CCSER1: variants seen among roughly 807,000 people sequenced by gnomAD.
CCSER1 encodes the protein coiled-coil serine rich protein 1.
In CCSER1, 41 loss-of-function variants were observed where a neutral mutation model predicts 82.0. The ratio of observed to expected loss-of-function variants is 0.50; its 90% CI spans 0.39 to 0.65. The LOEUF (loss-of-function observed/expected upper bound fraction) is 0.65. Among genes scored for constraint, CCSER1 ranks in the 30% least tolerant of loss-of-function variants. The pLI is 0.00. For missense variants in CCSER1, 1,119 were observed against 1,064.2 expected (o/e 1.05, Z -0.72); for synonymous variants, 414 against 383.9 (o/e 1.08, Z -0.92).
Position 90,374,365 on chromosome 4 carries a change from G to T in CCSER1, c.1510-25671G>T, listed in dbSNP as rs75967410. 8.4e-3 allele frequency among the ~76,000 whole-genome samples: 1,277 copies of T among 152,240 alleles called. 17 individuals carry two copies. The highest frequency in any genetic ancestry group is 0.029 in the African/African-American group (1,216 of 41,538). On this transcript the variant is annotated intron_variant, in intron 3 of 10. Transcript: ENST00000509176. ...CTGGAAAGCGTGCATAAAGAGAGCT[G>T]CTTGAACAGTGCTGGACTTGTTGCA...
chr4:90,831,047 A>C (rs998380187), intron 8 of CCSER1, among the ~76,000 whole-genome samples: 1 of 152,064 alleles, frequency 6.6e-6, no homozygotes, highest in Non-Finnish European at 1.5e-5. Context: ...AATGTATTAC[A>C]AACAGGGGAA....
chr4:90,867,736 T>C (rs1765925617), intron 8 of CCSER1, among the ~76,000 whole-genome samples: 1 of 152,050 alleles, frequency 6.6e-6, no homozygotes, highest in South Asian at 2.1e-4. Context: ...TTCCACTCTT[T>C]GGCTCCATGA....
chr4:90,380,436 T>C (rs1749027073), intron 3 of CCSER1, among the ~76,000 whole-genome samples: 1 of 152,212 alleles, frequency 6.6e-6, no homozygotes. Flanking sequence ...GCGTTTGATA[T>C]GATATCATTA....
At chr4:91,377,554 G>A (rs1750524765) in intron 10 of CCSER1, among the ~76,000 whole-genome samples, 1 of 152,202 alleles carries the variant, frequency 6.6e-6, no homozygotes, top group Admixed American at 6.5e-5. Context: ...GTTCTTTTGA[G>A]AAGTGTCTGT....
chr4:91,470,570 A>G lies in CCSER1; in HGVS notation c.2218-128002A>G, dbSNP rs532575145. Among the ~76,000 whole-genome samples the G allele has an allele frequency of 5.3e-5, 8 of 152,200 alleles. No homozygotes were observed. In the East Asian group the frequency reaches 1.5e-3, roughly 29 times the overall value. On this transcript the variant is annotated intron_variant, in intron 10 of 10. Coordinates refer to ENST00000509176, the MANE Select transcript of CCSER1 (RefSeq NM_001145065.2). ...AGACAGGCTCTCCCAAAGTGCTGGG[A>G]TTACAGACATGAGCCACACCACCTA...
chr4:90,483,303 T>G (rs1415960152), intron 5 of CCSER1, among the ~76,000 whole-genome samples: 1 of 152,216 alleles, frequency 6.6e-6, no homozygotes, highest in African/African-American at 2.4e-5. Context: ...TACAGCACAC[T>G]AATGGGTCTT....
At chr4:90,592,064 A>G (rs1424902789) in intron 5 of CCSER1, among the ~76,000 whole-genome samples, 1 of 152,138 alleles carries the variant, frequency 6.6e-6, no homozygotes, top group South Asian at 2.1e-4. Flanking sequence ...GGAGAGTGTT[A>G]GGACAAATAC....
At chr4:90,350,011 G>A (rs76321880) in intron 3 of CCSER1, among the ~76,000 whole-genome samples, 2,438 of 152,080 alleles carry the variant, frequency 0.016, 27 homozygotes, top group Non-Finnish European at 0.024. Context: ...TTTTAGCCCT[G>A]GAAATACAGG....
chr4:91,594,313 G>A (rs950181373), intron 10 of CCSER1, among the ~76,000 whole-genome samples: 8 of 147,816 alleles, frequency 5.4e-5, no homozygotes, highest in Admixed American at 6.8e-5. Flanking sequence ...ATGTATATGT[G>A]TATATATACA....
intron 9 of CCSER1, among the ~76,000 whole-genome samples, chr4:90,949,091 A>G (rs954230353): frequency 2.0e-5 from 3 of 152,112 alleles, no homozygotes; most frequent in African/African-American, 4.8e-5. Context: ...ATAAATTTGT[A>G]TAGAGAAAGA....
intron 9 of CCSER1, among the ~76,000 whole-genome samples, chr4:91,032,782 T>C (rs1166441173): frequency 6.6e-6 from 1 of 152,228 alleles, no homozygotes; most frequent in Non-Finnish European, 1.5e-5. Flanking sequence ...TTTTAAAATA[T>C]AGATTACTTG....
At chr4:90,973,609 C>T (rs1376867061) in intron 9 of CCSER1, among the ~76,000 whole-genome samples, 1 of 151,566 alleles carries the variant, frequency 6.6e-6, no homozygotes, top group Non-Finnish European at 1.5e-5. Flanking sequence ...GGAGATTCCT[C>T]CAAAAGTTAG....
chr4:90,877,144 C>T (rs898382409), intron 8 of CCSER1, among the ~76,000 whole-genome samples: 9 of 152,072 alleles, frequency 5.9e-5, no homozygotes, highest in African/African-American at 2.2e-4. Flanking sequence ...GCTCACCATA[C>T]ATAAGTGCCT....
At chr4:90,638,792 AG>A (rs1228164657) in intron 6 of CCSER1, among the ~76,000 whole-genome samples, 1 of 152,140 alleles carries the variant, frequency 6.6e-6, no homozygotes, top group Non-Finnish European at 1.5e-5. Context: ...GTGGAGAAAA[AG>A]TCTTTCCTAA....
At chr4:90,363,617 AAT>A (rs1169906803) in intron 3 of CCSER1, among the ~76,000 whole-genome samples, 1 of 151,822 alleles carries the variant, frequency 6.6e-6, no homozygotes, top group Non-Finnish European at 1.5e-5. Flanking sequence ...AGAAAAAAAA[AAT>A]CTTAAGATTA....
chr4:91,376,193 C>T (rs1162206885), intron 10 of CCSER1, among the ~76,000 whole-genome samples: 2 of 152,088 alleles, frequency 1.3e-5, no homozygotes, highest in Admixed American at 6.6e-5. Context: ...GAAATACAGT[C>T]GTGTGTCCCT....
chr4:91,565,079 T>TGTGA (rs1762827197), intron 10 of CCSER1, among the ~76,000 whole-genome samples: 1 of 115,904 alleles, frequency 8.6e-6, no homozygotes, highest in East Asian at 2.7e-4. Context: ...TGTGTGTGTG[T>TGTGA]GATGTGAAGA....
At chr4:90,141,006 A>G (rs951621368) in intron 1 of CCSER1, among the ~76,000 whole-genome samples, 2 of 146,894 alleles carry the variant, frequency 1.4e-5, no homozygotes, top group South Asian at 4.4e-4. Context: ...TGTTCTCCAG[A>G]GAAACCCAGC....
chr4:90,830,226 G>A (rs978551148), intron 8 of CCSER1, among the ~76,000 whole-genome samples: 1 of 152,110 alleles, frequency 6.6e-6, no homozygotes, highest in Non-Finnish European at 1.5e-5. Context: ...CATACTATGT[G>A]TCAATATTAT....
Sources: allele counts gnomAD v4.1 joint callset (sites outside exome capture counted in the v4.1 genomes callset), GRCh38; gene constraint gnomAD v4.1.1; transcripts MANE v1.5; gene names NCBI Gene and HGNC (gene_info 2026-07-23, HGNC 2026-07-21).